Variants in DENND6A observed in about 807,000 individuals in gnomAD.
The protein encoded by DENND6A is DENN domain containing 6A.
Under a neutral mutation model 95.5 loss-of-function variants are expected in DENND6A, and 43 were observed. That is an observed-to-expected ratio of 0.45 (90% CI 0.35 to 0.58). The LOEUF is 0.58. Among genes scored for constraint, DENND6A ranks in the 20% least tolerant of loss-of-function variants. The pLI is 0.00. For missense variants in DENND6A, 574 were observed against 736.0 expected (o/e 0.78, Z 2.55); for synonymous variants, 257 against 260.4 (o/e 0.99, Z 0.13).
At chr3:57,683,547 G>T in intron 1 of DENND6A, among the ~76,000 whole-genome samples, 1 of 152,236 alleles carries the variant, frequency 6.6e-6, no homozygotes, top group African/African-American at 2.4e-5. Flanking sequence ...AAAGCATTTT[G>T]CCAACTAAAG....
At chr3:57,631,305 T>C (rs766605721) in intron 15 of DENND6A, 3 of 201,436 alleles carry the variant, frequency 1.5e-5, no homozygotes, top group African/African-American at 2.3e-5. Flanking sequence ...CAAGCGATTC[T>C]CCCGCCTCAG....
chr3:57,657,835 C>T, intron 8 of DENND6A, 100 bp from the exon 9 acceptor site: 1 of 686,590 alleles, frequency 1.5e-6, no homozygotes, highest in South Asian at 2.0e-5. Flanking sequence ...GCTGCCCTGT[C>T]TAACTTTTAA....
intron 15 of DENND6A, among the ~76,000 whole-genome samples, chr3:57,631,762 G>A (rs1164225252): frequency 3.6e-4 from 41 of 112,968 alleles, no homozygotes; most frequent in African/African-American, 1.3e-3. Context: ...TCACTCTTTC[G>A]CCCAAGCTGG....
In DENND6A at chr3:57,628,936, CCT is replaced by C. The variant is rs776299419; in HGVS notation, c.1621-53_1621-52del. On this transcript the variant is annotated intron_variant, in intron 18 of 19. Coordinates refer to ENST00000311128, the MANE Select transcript of DENND6A (RefSeq NM_152678.3). Reference sequence around the variant, plus strand: ...GTAAGTTCTCAAAATAATATTCAAACCTCTCTATTTCAATAGGTAAGGCTACT... The same window carrying C: ...GTAAGTTCTCAAAATAATATTCAAACCTCTATTTCAATAGGTAAGGCTACT... The C allele has an allele frequency of 2.0e-6, 3 of 1,523,810 alleles. No individual in the cohort carries two copies. In the African/African-American group the frequency reaches 4.2e-5, roughly 21 times the overall value. The allele number at this position is 1,523,810 out of a possible 1,614,324, so 94.4% of individuals were successfully genotyped here.
At chr3:57,665,640 T>C (rs1575850243) in intron 4 of DENND6A, among the ~76,000 whole-genome samples, 1 of 152,116 alleles carries the variant, frequency 6.6e-6, no homozygotes, top group Admixed American at 6.5e-5. Flanking sequence ...GATGTGCTGA[T>C]AGGGCATCCA....
chr3:57,632,342 AAG>A (rs2070704117), intron 15 of DENND6A, among the ~76,000 whole-genome samples: 1 of 150,436 alleles, frequency 6.6e-6, no homozygotes, highest in African/African-American at 2.5e-5. Flanking sequence ...TTTTTTTTTT[AAG>A]AGAGTCTTGC....
chr3:57,685,072 C>T (rs934403597), intron 1 of DENND6A, among the ~76,000 whole-genome samples: 1 of 151,932 alleles, frequency 6.6e-6, no homozygotes, highest in South Asian at 2.1e-4. Context: ...CGCCACCATG[C>T]CTGGCTAATT....
At chr3:57,641,867 C>A in intron 11 of DENND6A, 120 bp from the exon 12 acceptor site, 2 of 678,280 alleles carry the variant, frequency 2.9e-6, no homozygotes, top group Non-Finnish European at 4.7e-6. Flanking sequence ...TTCCTTTATT[C>A]AACACATTAC....
chr3:57,669,388 G>A lies in DENND6A; in HGVS notation c.319+2868C>T, dbSNP rs528475795. ...ACAAGAACCACACTTCATTTGATGT[G>A]CAGCACATAAAAAAAGCATTAAATA... On this transcript the variant is annotated intron_variant, in intron 3 of 19. Transcript: ENST00000311128. Among the ~76,000 whole-genome samples, 4 of 152,040 alleles carry A rather than the reference G, an allele frequency of 2.6e-5. No homozygotes were observed. The East Asian group carries it at 7.7e-4, about 29-fold the overall frequency.
intron 4 of DENND6A, among the ~76,000 whole-genome samples, chr3:57,665,556 T>A (rs9841271): frequency 0.39 from 58,710 of 151,910 alleles, 12,683 homozygotes; most frequent in South Asian, 0.56. Flanking sequence ...ACAGGTAGTA[T>A]CTCTGCCATT....
chr3:57,666,843 G>A (rs2071531838), intron 3 of DENND6A, among the ~76,000 whole-genome samples: 1 of 152,102 alleles, frequency 6.6e-6, no homozygotes, highest in Admixed American at 6.6e-5. Context: ...TTTGACCTAT[G>A]ACTGTACTGA....
Position 57,628,733 on chromosome 3 carries a change from A to G in DENND6A, c.1695+78T>C, listed in dbSNP as rs545786715. 155 of 1,449,532 alleles carry G rather than the reference A, an allele frequency of 1.1e-4. No individual in the cohort carries two copies. The South Asian group carries it at 1.6e-3, about 15-fold the overall frequency. The allele number at this position is 1,449,532 out of a possible 1,614,324, so 89.8% of individuals were successfully genotyped here. On this transcript the variant is annotated intron_variant, in intron 19 of 19. Transcript: ENST00000311128. ...TAAAAAGTTACTTCTGCGAACTATC[A>G]TGGGTTGTCAGCTCACATGAGAGGA... is the stretch of plus-strand genomic sequence containing the variant.
chr3:57,634,434 CAAAA>C (rs60799417), intron 14 of DENND6A, 120 bp downstream of exon 14: 2,246 of 278,660 alleles, frequency 8.1e-3, no homozygotes, highest in South Asian at 0.016. Flanking sequence ...CTCTGTCTCC[CAAAA>C]AAAAAAAAAA....
chr3:57,630,291 T>A, intron 18 of DENND6A, 130 bp downstream of exon 18: 1 of 739,226 alleles, frequency 1.4e-6, no homozygotes, highest in Non-Finnish European at 2.1e-6. Flanking sequence ...ACATAGCACA[T>A]GATCTAGAAA....
At chr3:57,646,483 C>T (rs369046167) in intron 9 of DENND6A, 45 bp from the exon 10 acceptor site, 4 of 1,553,438 alleles carry the variant, frequency 2.6e-6, no homozygotes. Context: ...TGTAGCCAAT[C>T]CTGTTTTTAA....
Position 57,663,705 on chromosome 3 carries a change from A to C in DENND6A, c.444T>G (p.Ala148=). Residue 148 remains alanine, a synonymous_variant, in exon 5 of 20, where the codon GCT becomes GCG. Coordinates refer to ENST00000311128, the MANE Select transcript of DENND6A (RefSeq NM_152678.3). The part of the protein sequence containing the change: ...DLPVYLKKDP[A]YFYGYVYFRQ... ...GGAAATACACATATCCATAAAAATA[A>C]GCAGGATCCTTCTAAGAAGAAAGTG... 1 of 1,576,656 alleles carries C rather than the reference A, an allele frequency of 6.3e-7. No individual in the cohort carries two copies. Among genetic ancestry groups the C allele is most frequent in the Non-Finnish European group, 8.6e-7 (1 of 1,159,378 alleles).
At chr3:57,661,659 A>C (rs2071426254) in intron 5 of DENND6A, 108 bp from the exon 6 acceptor site, 2 of 873,578 alleles carry the variant, frequency 2.3e-6, no homozygotes, top group South Asian at 3.5e-5. Flanking sequence ...TTTTAAAATA[A>C]AAAGGCTTTT....
rs562841864 is a variant in DENND6A, at chr3:57,640,692, T to C, written c.1132+961A>G. ...TGTCATGTCGGAGAGATGTCTTCCA[T>C]TGGAAGGAGAAAATAGTCAGTAGTC... On this transcript the variant is annotated intron_variant, in intron 12 of 19. Transcript: ENST00000311128. Among the ~76,000 whole-genome samples, 13 of 152,276 alleles carry C rather than the reference T, an allele frequency of 8.5e-5. No homozygotes were observed. In the South Asian group the frequency reaches 2.5e-3, roughly 29 times the overall value.
At chr3:57,678,484 A>G (rs1264442454) in intron 1 of DENND6A, among the ~76,000 whole-genome samples, 1 of 152,240 alleles carries the variant, frequency 6.6e-6, no homozygotes, top group Non-Finnish European at 1.5e-5. Context: ...TTGGGGCTCA[A>G]ATCCAGAGAT....
Sources: gnomAD v4.1 joint callset for allele counts (sites outside exome capture counted in the v4.1 genomes callset) on GRCh38, gnomAD v4.1.1 for gene constraint, MANE v1.5 for transcripts, NCBI Gene and HGNC (gene_info 2026-07-23, HGNC 2026-07-21) for gene names.